Variants in DLG2 observed in about 807,000 individuals in gnomAD.
The protein encoded by DLG2 is discs large MAGUK scaffold protein 2, also known as disks large homolog 2.
DLG2 carries 45 observed loss-of-function variants against 132.5 expected under a neutral mutation model. The ratio of observed to expected loss-of-function variants is 0.34; its 90% CI spans 0.27 to 0.44. The LOEUF is 0.44. Ranked by LOEUF, DLG2 falls within the 20% of genes least tolerant of loss-of-function variation. The pLI, the probability that DLG2 is intolerant of heterozygous loss-of-function variation, is 1.00. For synonymous variants in DLG2, 424 were observed against 419.6 expected, an observed-to-expected ratio of 1.01 and a Z score of -0.13; for missense variants, 1,045 against 1,196.9, an observed-to-expected ratio of 0.87 and a Z score of 1.87.
At chr11:85,549,027 A>G (rs1248750568) in intron 3 of DLG2, among the ~76,000 whole-genome samples, 1 of 151,322 alleles carries the variant, frequency 6.6e-6, no homozygotes, top group Non-Finnish European at 1.5e-5. Context: ...TCTGAGCACC[A>G]CTGGGGTATG....
At chr11:84,622,800 C>T (rs1027725356) in intron 6 of DLG2, among the ~76,000 whole-genome samples, 2 of 152,106 alleles carry the variant, frequency 1.3e-5, no homozygotes, top group Non-Finnish European at 2.9e-5. Flanking sequence ...AGATCAAGAC[C>T]TAAACATGGA....
chr11:85,494,104 C>T (rs286524), intron 3 of DLG2, among the ~76,000 whole-genome samples: 1 of 152,054 alleles, frequency 6.6e-6, no homozygotes, highest in Admixed American at 6.6e-5. Context: ...CCACTTGTGA[C>T]GGCAGAGCCT....
rs564856513 is a variant in DLG2 at position 85,058,947 on chromosome 11, G to A, written c.357+52714C>T. Among the ~76,000 whole-genome samples, 5 of 151,354 alleles carry A rather than the reference G, an allele frequency of 3.3e-5. No individual in the cohort carries two copies. In the South Asian group the frequency reaches 1.0e-3, roughly 31 times the overall value. On this transcript the variant is annotated intron_variant, in intron 6 of 27. Coordinates refer to ENST00000376104, the MANE Select transcript of DLG2 (RefSeq NM_001142699.3). ...TTTTAACAAACTTGGAGTCTGCATA[G>A]ATTTCCTAAAAAGGACACAAAAGGC...
intron 3 of DLG2, among the ~76,000 whole-genome samples, chr11:85,486,858 C>T (rs1450132988): frequency 6.6e-6 from 1 of 151,940 alleles, no homozygotes; most frequent in Non-Finnish European, 1.5e-5. Context: ...TCCAGGACCA[C>T]TAACAGGTGC....
chr11:83,562,583 A>G (rs2096630861), intron 19 of DLG2, among the ~76,000 whole-genome samples: 1 of 152,218 alleles, frequency 6.6e-6, no homozygotes, highest in African/African-American at 2.4e-5. Context: ...AGAATAAAGA[A>G]CAGGGAAAAT....
intron 4 of DLG2, among the ~76,000 whole-genome samples, chr11:85,273,440 C>T (rs2077675648): frequency 1.3e-5 from 2 of 152,076 alleles, no homozygotes; most frequent in African/African-American, 4.8e-5. Context: ...AAAAAGTGGG[C>T]AAATGATATG....
intron 8 of DLG2, among the ~76,000 whole-genome samples, chr11:84,215,902 T>G (rs541904056): frequency 2.6e-5 from 4 of 152,362 alleles, no homozygotes; most frequent in Admixed American, 1.3e-4. Context: ...GCTTAATGAA[T>G]TCCAGAAGTA....
chr11:84,695,070 A>G (rs2058476585), intron 6 of DLG2, among the ~76,000 whole-genome samples: 1 of 151,552 alleles, frequency 6.6e-6, no homozygotes, highest in Non-Finnish European at 1.5e-5. Flanking sequence ...GATTAAAAAA[A>G]TATGCTTCGG....
chr11:85,157,110 C>T (rs1366852200), intron 4 of DLG2, among the ~76,000 whole-genome samples: 1 of 152,142 alleles, frequency 6.6e-6, no homozygotes, highest in South Asian at 2.1e-4. Flanking sequence ...ACTGGCCTAG[C>T]CTCCCAGCCT....
intron 7 of DLG2, among the ~76,000 whole-genome samples, chr11:84,421,396 C>T (rs779867143): frequency 2.0e-5 from 3 of 152,154 alleles, no homozygotes; most frequent in African/African-American, 4.8e-5. Flanking sequence ...GCAAATTCTT[C>T]CCCATTGCAG....
chr11:84,403,405 C>T (rs999595808), intron 7 of DLG2, among the ~76,000 whole-genome samples: 4 of 152,156 alleles, frequency 2.6e-5, no homozygotes, highest in African/African-American at 9.7e-5. Context: ...AATCAATTGC[C>T]ATTACTGTTT....
Position 84,762,747 on chromosome 11 carries a change from T to C in DLG2, c.358-228016A>G, listed in dbSNP as rs2067814035. Among the ~76,000 whole-genome samples, 4 of 152,258 alleles carry C rather than the reference T, an allele frequency of 2.6e-5. No homozygotes were observed. In the South Asian group the frequency reaches 6.2e-4, roughly 24 times the overall value. ...AATGTCCATGTACCAGTCAGAGAAG[T>C]AGGTGCTTGAGATACAAGACAGAGA... On this transcript the variant is annotated intron_variant, in intron 6 of 27. Coordinates refer to ENST00000376104, the MANE Select transcript of DLG2 (RefSeq NM_001142699.3).
intron 6 of DLG2, among the ~76,000 whole-genome samples, chr11:84,628,158 G>C (rs1319791407): frequency 2.6e-5 from 4 of 151,430 alleles, no homozygotes; most frequent in Non-Finnish European, 4.4e-5. Context: ...CCCCGAGGAG[G>C]TTATTGTGAC....
At position 83,885,598 on chromosome 11, in the gene DLG2, C is replaced by T. The variant is rs574297877; in HGVS notation, c.1497-11110G>A. Among the ~76,000 whole-genome samples the T allele has an allele frequency of 6.0e-3, 917 of 152,146 alleles. 8 individuals carry two copies. Among genetic ancestry groups the T allele is most frequent in the Admixed American group, 0.015 (223 of 15,280 alleles). On this transcript the variant is annotated intron_variant, in intron 15 of 27. Transcript: ENST00000376104. ...ATTCAGATTCAGGAAATACAGAGAA[C>T]GCCACAAAGATACTCCTTGAGAAGA...
At chr11:85,273,580 C>T (rs1225882738) in intron 4 of DLG2, among the ~76,000 whole-genome samples, 1 of 152,052 alleles carries the variant, frequency 6.6e-6, no homozygotes, top group Non-Finnish European at 1.5e-5. Context: ...AGTTAGATTG[C>T]TGATCATTAA....
chr11:84,895,021 C>T (rs1365729245), intron 6 of DLG2, among the ~76,000 whole-genome samples: 1 of 152,128 alleles, frequency 6.6e-6, no homozygotes, highest in Non-Finnish European at 1.5e-5. Flanking sequence ...CCATTATTAA[C>T]ACACTGTATG....
In DLG2 at chr11:84,039,080, C is replaced by G. The variant is rs191141675; in HGVS notation, c.919+20235G>C. ...AAATCATATAACATTACGCATACCGCCCACAATGTTTAGGTAATTTAACAA... is the reference window on the plus strand; with the variant it reads ...AAATCATATAACATTACGCATACCGGCCACAATGTTTAGGTAATTTAACAA... On this transcript the variant is annotated intron_variant, in intron 11 of 27. Coordinates refer to ENST00000376104, the MANE Select transcript of DLG2 (RefSeq NM_001142699.3). Among the ~76,000 whole-genome samples the G allele has an allele frequency of 1.2e-4, 18 of 152,054 alleles. 1 individual carries two copies. Among genetic ancestry groups the G allele is most frequent in the African/African-American group, 4.3e-4 (18 of 41,512 alleles).
intron 19 of DLG2, among the ~76,000 whole-genome samples, chr11:83,545,465 A>G (rs902870844): frequency 6.6e-6 from 1 of 152,114 alleles, no homozygotes; most frequent in African/African-American, 2.4e-5. Context: ...TGTGAAAGAC[A>G]TCTAAAATAT....
chr11:85,522,612 C>T (rs1211948978), intron 3 of DLG2, among the ~76,000 whole-genome samples: 1 of 152,192 alleles, frequency 6.6e-6, no homozygotes, highest in Non-Finnish European at 1.5e-5. Flanking sequence ...TGCAAAGCCA[C>T]AGCTTCCCAA....
Sources: allele counts gnomAD v4.1 joint callset (sites outside exome capture counted in the v4.1 genomes callset), GRCh38; gene constraint gnomAD v4.1.1; transcripts MANE v1.5; gene names NCBI Gene and HGNC (gene_info 2026-07-23, HGNC 2026-07-21).